The following ITSN2 variants were observed in gnomAD, a reference collection of about 807,000 sequenced individuals.
The protein encoded by ITSN2 is intersectin-2.
In ITSN2, 156 loss-of-function variants were observed where a neutral mutation model predicts 243.7. The observed-to-expected ratio is 0.64, with a 90% CI of 0.56 to 0.73. The LOEUF (loss-of-function observed/expected upper bound fraction) is 0.73. ITSN2 is among the 30% of genes least tolerant of loss of function. ITSN2 has a pLI of 0.00. For missense variants in ITSN2, 1,801 were observed against 1,996.1 expected (o/e 0.90, Z 1.86); for synonymous variants, 703 against 699.9 (o/e 1.00, Z -0.07).
Position 24,249,892 on chromosome 2 carries a change from C to T in ITSN2, c.3121-1010G>A, listed in dbSNP as rs184325462. Among the ~76,000 whole-genome samples the T allele has an allele frequency of 6.6e-6, 1 of 152,300 alleles. No individual in the cohort carries two copies. The highest frequency in any genetic ancestry group is 1.9e-4 in the East Asian group (1 of 5,190). ...AACTATCTTCATAAAAATACTAAGA[C>T]ATTATTTGTCTTCTTCACTGTGTTG... On this transcript the variant is annotated intron_variant, in intron 25 of 39. Transcript: ENST00000355123. This position sits in a 1 kb window ranked among gnomAD's most constrained non-coding sequence, Gnocchi z 4.4.
At chr2:24,299,232 C>A (rs966465553) in intron 12 of ITSN2, among the ~76,000 whole-genome samples, 9 of 152,014 alleles carry the variant, frequency 5.9e-5, no homozygotes, top group Non-Finnish European at 1.0e-4. Context: ...AGGGTTTCAC[C>A]ATGTTGCCCA....
chr2:24,321,819 T>C (rs759888076), intron 2 of ITSN2: 1 of 152,200 alleles, frequency 6.6e-6, no homozygotes, highest in African/African-American at 2.4e-5. Context: ...CTCACCTTTA[T>C]TGAACCCTGA....
chr2:24,272,710 C>T (rs925362699), intron 18 of ITSN2, among the ~76,000 whole-genome samples: 3 of 152,150 alleles, frequency 2.0e-5, no homozygotes, highest in Admixed American at 6.6e-5. Context: ...GCTGAGATTA[C>T]GGGCATGAGC....
chr2:24,216,991 G>A (rs955048837), intron 31 of ITSN2, among the ~76,000 whole-genome samples: 1 of 152,004 alleles, frequency 6.6e-6, no homozygotes, highest in Non-Finnish European at 1.5e-5. Flanking sequence ...GGCTGAGGCA[G>A]GAGAATGGCG....
intron 16 of ITSN2, among the ~76,000 whole-genome samples, chr2:24,285,506 G>C (rs574568217): frequency 6.6e-6 from 1 of 152,326 alleles, no homozygotes; most frequent in East Asian, 1.9e-4. Context: ...TTCTTACAGA[G>C]AATAGCTTAT....
At chr2:24,330,419 T>A (rs1574336371) in intron 1 of ITSN2, 2 of 607,758 alleles carry the variant, frequency 3.3e-6, no homozygotes, top group East Asian at 7.4e-5. Context: ...AGAGAAAGGG[T>A]GAAGGGGATG....
chr2:24,317,657 C>A (rs185978207), intron 2 of ITSN2, among the ~76,000 whole-genome samples: 1 of 152,340 alleles, frequency 6.6e-6, no homozygotes, highest in East Asian at 1.9e-4. Context: ...ATTAAAGACA[C>A]CCTCCTGGGG....
At chr2:24,309,460 A>G (rs943753634) in intron 7 of ITSN2, among the ~76,000 whole-genome samples, 1 of 152,182 alleles carries the variant, frequency 6.6e-6, no homozygotes, top group Non-Finnish European at 1.5e-5. Context: ...TCAGCCTCCC[A>G]AAGTGCTGGG....
upstream of ITSN2, chr2:24,360,578 A>C (rs1263820320): frequency 6.6e-6 from 1 of 152,234 alleles, no homozygotes; most frequent in African/African-American, 2.4e-5. Flanking sequence ...CGGGCCGGGC[A>C]GCTGACGGCC....
intron 19 of ITSN2, among the ~76,000 whole-genome samples, chr2:24,271,253 A>T (rs1475121806): frequency 1.3e-5 from 2 of 152,202 alleles, no homozygotes; most frequent in Non-Finnish European, 2.9e-5. Flanking sequence ...AGAGTACACA[A>T]ATATACTGAA....
chr2:24,221,223 C>T (rs1459186955), intron 29 of ITSN2, 157 bp from the exon 30 acceptor site: 7 of 699,864 alleles, frequency 1.0e-5, no homozygotes, highest in South Asian at 6.2e-5. Context: ...AGCATGCGTA[C>T]GCGGAGAGTT....
intron 37 of ITSN2, among the ~76,000 whole-genome samples, chr2:24,206,067 G>A (rs1188370987): frequency 6.6e-6 from 1 of 152,160 alleles, no homozygotes; most frequent in Non-Finnish European, 1.5e-5. Context: ...ACGATGCACA[G>A]CAACATATGC....
At chr2:24,242,110 T>C (rs1672800390) in intron 29 of ITSN2, 2 of 152,546 alleles carry the variant, frequency 1.3e-5, no homozygotes, top group African/African-American at 4.8e-5. Flanking sequence ...GTGTAGGAGA[T>C]ATTTGATCAG....
chr2:24,294,789 A>G (rs893774046), intron 14 of ITSN2, among the ~76,000 whole-genome samples: 2 of 152,226 alleles, frequency 1.3e-5, no homozygotes, highest in Non-Finnish European at 2.9e-5. Context: ...CCCAACATTC[A>G]TATGTTGGAA....
intron 2 of ITSN2, among the ~76,000 whole-genome samples, chr2:24,318,056 T>C (rs1684129216): frequency 6.6e-6 from 1 of 152,174 alleles, no homozygotes; most frequent in Non-Finnish European, 1.5e-5. Context: ...TCCCTCCCAT[T>C]AAAACATTCC....
At chr2:24,215,219 C>T (rs1296737754) in intron 32 of ITSN2, among the ~76,000 whole-genome samples, 1 of 152,212 alleles carries the variant, frequency 6.6e-6, no homozygotes, top group Non-Finnish European at 1.5e-5. Flanking sequence ...CATCTGTGCA[C>T]ACTTCTGGTA....
intron 5 of ITSN2, 89 bp downstream of exon 5, chr2:24,312,123 G>A: frequency 9.4e-7 from 1 of 1,068,560 alleles, no homozygotes; most frequent in Non-Finnish European, 1.3e-6. Context: ...CTGTCATTTT[G>A]TGCTAACAAA....
At chr2:24,234,506 C>A (rs553020735) in intron 29 of ITSN2, among the ~76,000 whole-genome samples, 34 of 152,178 alleles carry the variant, frequency 2.2e-4, no homozygotes, top group Non-Finnish European at 3.5e-4. Context: ...AGCTGGACTT[C>A]ATTAAATGTA....
intron 8 of ITSN2, among the ~76,000 whole-genome samples, chr2:24,307,089 C>G (rs1488356312): frequency 6.6e-6 from 1 of 152,134 alleles, no homozygotes; most frequent in African/African-American, 2.4e-5. Context: ...CAGGCGTGAG[C>G]CACCGCACCT....
Sources: gnomAD v4.1 joint callset for allele counts (sites outside exome capture counted in the v4.1 genomes callset) on GRCh38, gnomAD v4.1.1 for gene constraint, Gnocchi (gnomAD v3.1) non-coding constraint, MANE v1.5 for transcripts, NCBI Gene and HGNC (gene_info 2026-07-23, HGNC 2026-07-21) for gene names.